C14orf132: variants seen among roughly 807,000 people sequenced by gnomAD.
C14orf132 encodes chromosome 14 open reading frame 132, also known as uncharacterized protein C14orf132.
Under a neutral mutation model 5.8 loss-of-function variants are expected in C14orf132, and 6 were observed. That is an observed-to-expected ratio of 1.03 (90% CI 0.57 to 2.04). The LOEUF is 2.04. C14orf132 is among the 30% of genes most tolerant of loss of function. C14orf132 has a pLI of 0.00. For synonymous variants in C14orf132, 51 were observed against 49.8 expected (o/e 1.02, Z -0.10); for missense variants, 125 against 115.8 (o/e 1.08, Z -0.37).
At chr14:96,061,660 C>A (rs2068084639) in intron 1 of C14orf132, among the ~76,000 whole-genome samples, 1 of 152,142 alleles carries the variant, frequency 6.6e-6, no homozygotes, top group Non-Finnish European at 1.5e-5. Flanking sequence ...TGCAGTGGCT[C>A]ACACCTGTAA....
chr14:96,080,922 A>G (rs1888013884), intron 1 of C14orf132, among the ~76,000 whole-genome samples: 1 of 152,242 alleles, frequency 6.6e-6, no homozygotes, highest in Non-Finnish European at 1.5e-5. Flanking sequence ...GTGCACTCCA[A>G]TGCTCAAAGC....
chr14:96,091,397 G>A lies in C14orf132; in HGVS notation c.*4662G>A, dbSNP rs767957262. 4.7e-6 allele frequency: 1 copy of A among 211,310 alleles called. No homozygotes were observed. Among genetic ancestry groups the A allele is most frequent in the African/African-American group, 2.3e-5 (1 of 43,070 alleles). 13.1% of individuals were successfully genotyped at this position (211,310 alleles called of 1,614,324 possible). Reference sequence around the variant, plus strand: ...CTAATCGAGACCTTTAATTTTTCGGGGAGAGCAGCTGAGGCCGTGTGGAAA... The same window carrying A: ...CTAATCGAGACCTTTAATTTTTCGGAGAGAGCAGCTGAGGCCGTGTGGAAA... On this transcript the variant is annotated 3_prime_UTR_variant, in exon 2 of 2. Coordinates refer to ENST00000555004, the MANE Select transcript of C14orf132 (RefSeq NM_001252507.3).
At chr14:96,066,366 T>C (rs1887528094) in intron 1 of C14orf132, among the ~76,000 whole-genome samples, 1 of 152,188 alleles carries the variant, frequency 6.6e-6, no homozygotes, top group African/African-American at 2.4e-5. Context: ...CCCTGCGTTG[T>C]GCTGAGTTAC....
intron 1 of C14orf132, among the ~76,000 whole-genome samples, chr14:96,074,483 G>A (rs1202171157): frequency 2.0e-5 from 3 of 150,950 alleles, no homozygotes; most frequent in East Asian, 1.9e-4. Flanking sequence ...TTTTCTAAAC[G>A]TGTTATAGTT....
At chr14:96,084,740 G>A (rs376565726) in intron 1 of C14orf132, among the ~76,000 whole-genome samples, 13 of 152,194 alleles carry the variant, frequency 8.5e-5, no homozygotes, top group Admixed American at 5.9e-4. Flanking sequence ...CCTGCCCTGA[G>A]CCCCATAGCA....
In C14orf132 at chr14:96,081,847, A is replaced by C. The variant is rs141410774; in HGVS notation, c.28-4664A>C. On this transcript the variant is annotated intron_variant, in intron 1 of 1. Transcript: ENST00000555004. ...ACTCGTAGCCTCAAGCAATCCTCCC[A>C]TCTTGGCCTCCCAAAGTGCTGGGAT... Among the ~76,000 whole-genome samples the C allele has an allele frequency of 2.7e-3, 405 of 152,146 alleles. 4 individuals are homozygous for C. Among genetic ancestry groups the C allele is most frequent in the African/African-American group, 9.5e-3 (394 of 41,510 alleles).
intron 1 of C14orf132, among the ~76,000 whole-genome samples, chr14:96,055,819 A>G (rs925868551): frequency 6.6e-6 from 1 of 151,962 alleles, no homozygotes; most frequent in African/African-American, 2.4e-5. Context: ...TCTTTCCTTC[A>G]CTATCCCTCC....
chr14:96,074,702 G>T (rs956893220), intron 1 of C14orf132, among the ~76,000 whole-genome samples: 1 of 152,002 alleles, frequency 6.6e-6, no homozygotes, highest in Non-Finnish European at 1.5e-5. Context: ...CCATTGAATT[G>T]CCTTTGCAAT....
At chr14:96,071,199 C>A (rs11629403) in intron 1 of C14orf132, among the ~76,000 whole-genome samples, 76,373 of 151,900 alleles carry the variant, frequency 0.5, 19,476 homozygotes, top group East Asian at 0.62. Context: ...AGGAAGGAGA[C>A]GTGCTGAGCA....
At position 96,086,655 on chromosome 14, in the gene C14orf132, G is replaced by A. The variant is rs768929085; in HGVS notation, c.172G>A (p.Ala58Thr). Residue 58 changes from alanine (A) to threonine (T), a missense_variant, in exon 2 of 2, where the codon GCC becomes ACC. Coordinates refer to ENST00000555004, the MANE Select transcript of C14orf132 (RefSeq NM_001252507.3). Reference sequence around the variant, plus strand: ...AGATCCTCCTCGGTCCTCCAACGACGCCGTCTTGCTATGGATTGCCATCAT... The same window carrying A: ...AGATCCTCCTCGGTCCTCCAACGACACCGTCTTGCTATGGATTGCCATCAT... ...PEDPPRSSNDAVLLWIAIIAT... is the reference protein window; with the variant it reads ...PEDPPRSSNDTVLLWIAIIAT... 1.4e-4 allele frequency: 222 copies of A among 1,536,058 alleles called. 1 individual carries two copies. Among genetic ancestry groups the A allele is most frequent in the Non-Finnish European group, 4.4e-5 (50 of 1,146,928 alleles).
In C14orf132 at chr14:96,091,627, T is replaced by A. The variant is rs1888409642; in HGVS notation, c.*4892T>A. 1 of 154,568 alleles carries A rather than the reference T, an allele frequency of 6.5e-6. No individual in the cohort carries two copies. Among genetic ancestry groups the A allele is most frequent in the African/African-American group, 2.4e-5 (1 of 41,470 alleles). The allele number at this position is 154,568 out of a possible 1,614,324, so 9.6% of individuals were successfully genotyped here. ...ATTGTCCCCGAGCAAGTGCCAGGGT[T>A]GGGCTGAGCTGCTATGACAGGGAGG... On this transcript the variant is annotated 3_prime_UTR_variant, in exon 2 of 2. Transcript: ENST00000555004.
chr14:96,049,824 G>A (rs1886980009), intron 1 of C14orf132, among the ~76,000 whole-genome samples: 1 of 136,356 alleles, frequency 7.3e-6, no homozygotes, highest in African/African-American at 2.8e-5. Flanking sequence ...TTATTGATAT[G>A]TCTTCAAGTT....
rs1888303450 is a variant in C14orf132 at position 96,089,174 on chromosome 14, G to A, written c.*2439G>A. On this transcript the variant is annotated 3_prime_UTR_variant, in exon 2 of 2. Coordinates refer to ENST00000555004, the MANE Select transcript of C14orf132 (RefSeq NM_001252507.3). ...GTGTCTGATTAAGGAGCAAAGGCTGGATTTCTGGCCACAGCGAGCTGCACT... is the reference window on the plus strand; with the variant it reads ...GTGTCTGATTAAGGAGCAAAGGCTGAATTTCTGGCCACAGCGAGCTGCACT... 1 of 152,216 alleles carries A rather than the reference G, an allele frequency of 6.6e-6. No individual in the cohort carries two copies. The highest frequency in any genetic ancestry group is 2.4e-5 in the African/African-American group (1 of 41,444). 9.4% of individuals were successfully genotyped at this position (152,216 alleles called of 1,614,324 possible). A position where few individuals can be genotyped will look rare whatever the true frequency, so the allele number is the denominator to read the frequency against.
intron 1 of C14orf132, among the ~76,000 whole-genome samples, chr14:96,065,544 C>G (rs1013867827): frequency 1.3e-5 from 2 of 152,170 alleles, no homozygotes; most frequent in East Asian, 1.9e-4. Context: ...CTTTTGTCCT[C>G]TCCTCTTAGC....
In C14orf132 at chr14:96,039,685, G is replaced by T. The variant is rs543698406; in HGVS notation, c.27+158G>T. ...CCGGACACCCCCACTTGGTGCACGC[G>T]TCGGGGGCGGCGATCGCGGCTCTCC... On this transcript the variant is annotated intron_variant, in intron 1 of 1. Transcript: ENST00000555004. This position sits in a 1 kb window ranked among gnomAD's most constrained non-coding sequence, Gnocchi z 5.3. 6.6e-6 allele frequency among the ~76,000 whole-genome samples: 1 copy of T among 152,210 alleles called. No homozygotes were observed. Among genetic ancestry groups the T allele is most frequent in the Admixed American group, 6.5e-5 (1 of 15,298 alleles).
intron 1 of C14orf132, among the ~76,000 whole-genome samples, chr14:96,080,351 C>A (rs1465466577): frequency 6.6e-6 from 1 of 152,206 alleles, no homozygotes; most frequent in Admixed American, 6.5e-5. Context: ...CTTTAAAATT[C>A]ATAGCCCAGG....
rs151199759 is a variant in C14orf132 at position 96,070,254 on chromosome 14, G to A, written c.28-16257G>A. 8.6e-4 allele frequency among the ~76,000 whole-genome samples: 131 copies of A among 152,274 alleles called. 1 individual carries two copies. The highest frequency in any genetic ancestry group is 2.8e-3 in the African/African-American group (117 of 41,558). ...TAAATCTAGGTGCCTAGAGTCCTAC[G>A]TTCTTTACCTCGTTGTTTACTTTTT... On this transcript the variant is annotated intron_variant, in intron 1 of 1. Coordinates refer to ENST00000555004, the MANE Select transcript of C14orf132 (RefSeq NM_001252507.3).
At chr14:96,067,531 CTCT>C (rs1887567458) in intron 1 of C14orf132, among the ~76,000 whole-genome samples, 3 of 152,026 alleles carry the variant, frequency 2.0e-5, no homozygotes, top group Admixed American at 6.6e-5. Context: ...GAAACCCCAT[CTCT>C]ACCAAAAATA....
intron 1 of C14orf132, among the ~76,000 whole-genome samples, chr14:96,048,506 A>G (rs1382947998): frequency 6.6e-6 from 1 of 151,782 alleles, no homozygotes; most frequent in Non-Finnish European, 1.5e-5. Context: ...AGCTTTTTCT[A>G]TTTTATTTTT....
Sources: gnomAD v4.1 joint callset for allele counts (sites outside exome capture counted in the v4.1 genomes callset) on GRCh38, gnomAD v4.1.1 for gene constraint, Gnocchi (gnomAD v3.1) non-coding constraint, MANE v1.5 for transcripts, NCBI Gene and HGNC (gene_info 2026-07-23, HGNC 2026-07-21) for gene names.